PCDHGA8: variants seen among roughly 807,000 people sequenced by gnomAD.
PCDHGA8 encodes protocadherin gamma-A8.
PCDHGA8 carries 45 observed loss-of-function variants against 59.2 expected under a neutral mutation model. The ratio of observed to expected loss-of-function variants is 0.76; its 90% confidence interval spans 0.60 to 0.98. The LOEUF (loss-of-function observed/expected upper bound fraction) is 0.98. Among genes scored for constraint, PCDHGA8 ranks in the 50% least tolerant of loss-of-function variants. PCDHGA8 has a pLI of 0.00. For missense variants in PCDHGA8, 1,257 were observed against 1,196.2 expected, an observed-to-expected ratio of 1.05 and a Z score of -0.75; for synonymous variants, 531 against 519.0, an observed-to-expected ratio of 1.02 and a Z score of -0.32.
Position 141,404,599 on chromosome 5 carries a change from A to G in PCDHGA8, c.2424+9362A>G. 2.5e-6 allele frequency: 4 copies of G among 1,613,988 alleles called. 1 individual carries two copies. In the East Asian group the frequency reaches 8.9e-5, roughly 36 times the overall value. ...CACTTAGCAGCAATGTGTCATTGAG[A>G]CTGTTTGTTTTGGACCAGAATGACA... is the stretch of plus-strand genomic sequence containing the variant. On this transcript the variant is annotated intron_variant, in intron 1 of 3. Coordinates refer to ENST00000398604, the MANE Select transcript of PCDHGA8 (RefSeq NM_032088.2).
chr5:141,423,996 A>G (rs1164307988), intron 1 of PCDHGA8: 1 of 1,079,028 alleles, frequency 9.3e-7, no homozygotes, highest in African/African-American at 1.7e-5. Context: ...AATTTATTAT[A>G]TATAGATACA....
Position 141,491,401 on chromosome 5 carries a change from G to A in PCDHGA8, c.2425-3406G>A. The A allele has an allele frequency of 6.2e-7, 1 of 1,614,100 alleles. No homozygotes were observed. ...GTCAGCGAAGTGCCTTCAGGGAAAC[G>A]CAGACGGGGACGGGGGTGGAGGGCA... On this transcript the variant is annotated intron_variant, in intron 1 of 3. Transcript: ENST00000398604. This position sits in a 1 kb window ranked among gnomAD's most constrained non-coding sequence, Gnocchi z 6.9.
At position 141,394,020 on chromosome 5, in the gene PCDHGA8, A is replaced by G. The variant is rs1311759353; in HGVS notation, c.1207A>G (p.Arg403Gly). ...KLEKSIGNYYRLVTRKYLDRE... is the reference protein window; with the variant it reads ...KLEKSIGNYYGLVTRKYLDRE... ...AGAAAAGTCAATAGGTAATTATTAT[A>G]GATTAGTGACAAGGAAATATTTGGA... is the stretch of plus-strand genomic sequence containing the variant. Residue 403 changes from arginine to glycine, a missense_variant, in exon 1 of 4, where the codon AGA becomes GGA. By Grantham distance (125) the Arg-to-Gly change is moderately radical. Transcript: ENST00000398604. 6.2e-7 allele frequency: 1 copy of G among 1,613,426 alleles called. No individual in the cohort carries two copies. The highest frequency in any genetic ancestry group is 1.3e-5 in the African/African-American group (1 of 74,930).
At chr5:141,407,708 G>C (rs2094972839) in intron 1 of PCDHGA8, among the ~76,000 whole-genome samples, 1 of 152,106 alleles carries the variant, frequency 6.6e-6, no homozygotes, top group African/African-American at 2.4e-5. Flanking sequence ...TGAAGGTGGG[G>C]TGATGGCTAT....
At chr5:141,398,698 T>C (rs2093690457) in intron 1 of PCDHGA8, 2 of 1,613,680 alleles carry the variant, frequency 1.2e-6, no homozygotes, top group Admixed American at 1.7e-5. Flanking sequence ...TGGTAGTAAA[T>C]ACCCGGAACT....
intron 1 of PCDHGA8, 138 bp from the exon 2 acceptor site, chr5:141,494,669 T>A: frequency 6.5e-7 from 1 of 1,527,472 alleles, no homozygotes; most frequent in South Asian, 1.2e-5. Context: ...TGGAGATGAG[T>A]CCACCCCTGC....
intron 1 of PCDHGA8, among the ~76,000 whole-genome samples, chr5:141,445,793 CAG>C (rs1466260011): frequency 6.6e-6 from 1 of 152,132 alleles, no homozygotes; most frequent in Admixed American, 6.5e-5. Context: ...AGGCTAGAAA[CAG>C]AAAATAAATA....
At chr5:141,406,682 ATTC>A (rs1390945950) in intron 1 of PCDHGA8, among the ~76,000 whole-genome samples, 1 of 152,216 alleles carries the variant, frequency 6.6e-6, no homozygotes, top group Non-Finnish European at 1.5e-5. Flanking sequence ...ATAGTAGGAC[ATTC>A]TTCTTTTCTA....
intron 1 of PCDHGA8, chr5:141,398,825 C>A (rs747230922): frequency 6.2e-7 from 1 of 1,613,994 alleles, no homozygotes; most frequent in South Asian, 1.1e-5. Flanking sequence ...ATCCAGGTAA[C>A]CGACGCCAAT....
intron 1 of PCDHGA8, among the ~76,000 whole-genome samples, chr5:141,397,283 A>G: frequency 6.6e-6 from 1 of 152,232 alleles, no homozygotes; most frequent in East Asian, 1.9e-4. Context: ...TGGGCAGTAT[A>G]CTTGAATGAA....
intron 1 of PCDHGA8, among the ~76,000 whole-genome samples, chr5:141,465,904 C>T (rs1364574558): frequency 2.0e-5 from 3 of 152,046 alleles, no homozygotes; most frequent in Admixed American, 6.5e-5. Context: ...GGGCAAATCA[C>T]GAGGTCAGGA....
intron 1 of PCDHGA8, among the ~76,000 whole-genome samples, chr5:141,452,455 C>T (rs2098741536): frequency 6.6e-6 from 1 of 152,208 alleles, no homozygotes; most frequent in Non-Finnish European, 1.5e-5. Flanking sequence ...GCCTTGTCAG[C>T]AGACGGAGCT....
intron 1 of PCDHGA8, among the ~76,000 whole-genome samples, chr5:141,484,723 G>T (rs930331672): frequency 1.3e-5 from 2 of 151,930 alleles, no homozygotes; most frequent in Non-Finnish European, 2.9e-5. Flanking sequence ...AAGGGGCGGG[G>T]TCAGTCGGTG....
intron 3 of PCDHGA8, among the ~76,000 whole-genome samples, chr5:141,510,369 C>G (rs1403924479): frequency 7.1e-6 from 1 of 140,308 alleles, no homozygotes; most frequent in Non-Finnish European, 1.6e-5. Context: ...TACCGAATCT[C>G]TACTCGTGCC....
At position 141,477,811 on chromosome 5, in the gene PCDHGA8, C is replaced by T. The variant is rs1211574518; in HGVS notation, c.2425-16996C>T. The T allele has an allele frequency of 6.2e-7, 1 of 1,614,164 alleles. No homozygotes were observed. The highest frequency in any genetic ancestry group is 8.5e-7 in the Non-Finnish European group (1 of 1,180,026). ...TCACTGATCGCAATGACAATGCCCC[C>T]CAGGTCCTATATCCTCGGCCAGGTG... is the stretch of plus-strand genomic sequence containing the variant. On this transcript the variant is annotated intron_variant, in intron 1 of 3. Transcript: ENST00000398604. The surrounding 1 kb of genome is among the most constrained non-coding windows in gnomAD (Gnocchi z 4.9).
At chr5:141,423,838 T>G in intron 1 of PCDHGA8, 1 of 1,279,552 alleles carries the variant, frequency 7.8e-7, no homozygotes, top group South Asian at 3.5e-5. Context: ...GAGATTACGA[T>G]AATCTTTCAG....
chr5:141,440,693 C>T (rs2098194597), intron 1 of PCDHGA8: 1 of 152,136 alleles, frequency 6.6e-6, no homozygotes, highest in Non-Finnish European at 1.5e-5. Context: ...GTAAAAGTGA[C>T]CAACAGTGGA....
chr5:141,492,005 C>T (rs1444993907), intron 1 of PCDHGA8: 2 of 642,268 alleles, frequency 3.1e-6, no homozygotes, highest in Admixed American at 7.4e-5. Flanking sequence ...GGGCGATTTC[C>T]GCGGGTGTCG....
chr5:141,404,165 T>C, intron 1 of PCDHGA8: 1 of 1,613,246 alleles, frequency 6.2e-7, no homozygotes, highest in South Asian at 1.1e-5. Flanking sequence ...TTACAGATTG[T>C]TGACGGCCCA....
Sources: gnomAD v4.1 joint callset for allele counts (sites outside exome capture counted in the v4.1 genomes callset) on GRCh38, gnomAD v4.1.1 for gene constraint, Gnocchi (gnomAD v3.1) non-coding constraint, MANE v1.5 for transcripts, NCBI Gene and HGNC (gene_info 2026-07-23, HGNC 2026-07-21) for gene names.